LAMA2: variants seen among roughly 807,000 people sequenced by gnomAD.
The protein encoded by LAMA2 is laminin subunit alpha 2, also known as laminin subunit alpha-2.
A neutral mutation model predicts 364.8 loss-of-function variants in LAMA2; 269 were observed. The observed-to-expected ratio is 0.74, with a 90% CI of 0.67 to 0.82. The LOEUF (loss-of-function observed/expected upper bound fraction) is 0.82. Ranked by LOEUF, LAMA2 falls within the 40% of genes least tolerant of loss-of-function variation. LAMA2 has a pLI of 0.00. For missense variants in LAMA2, 3,807 were observed against 3,873.2 expected (o/e 0.98, Z 0.45); for synonymous variants, 1,379 against 1,370.6 (o/e 1.01, Z -0.14).
intron 32 of LAMA2, among the ~76,000 whole-genome samples, chr6:129,354,643 T>C (rs1777051243): frequency 6.6e-6 from 1 of 152,152 alleles, no homozygotes; most frequent in Admixed American, 6.6e-5. Context: ...TCACTTTTAT[T>C]AACTATCCAG....
intron 40 of LAMA2, among the ~76,000 whole-genome samples, 162 bp from the exon 41 acceptor site, chr6:129,427,590 C>T (rs1781384639): frequency 6.6e-6 from 1 of 152,172 alleles, no homozygotes; most frequent in Non-Finnish European, 1.5e-5. Flanking sequence ...TAAACAGTCT[C>T]CTAACTTTAA....
chr6:129,268,536 T>A (rs1340167224), intron 16 of LAMA2, among the ~76,000 whole-genome samples: 1 of 152,112 alleles, frequency 6.6e-6, no homozygotes, highest in Non-Finnish European at 1.5e-5. Flanking sequence ...CAAATTTTCA[T>A]GCTGAATTCA....
chr6:129,013,733 G>T (rs1784908289), intron 1 of LAMA2, among the ~76,000 whole-genome samples: 1 of 151,786 alleles, frequency 6.6e-6, no homozygotes, highest in South Asian at 2.1e-4. Flanking sequence ...ATATTTATTT[G>T]GTTACCATAT....
intron 4 of LAMA2, among the ~76,000 whole-genome samples, chr6:129,117,084 A>C (rs1306141628): frequency 6.6e-6 from 1 of 152,192 alleles, no homozygotes; most frequent in Non-Finnish European, 1.5e-5. Flanking sequence ...TTAATGCAGA[A>C]TTTTCAGACA....
chr6:129,042,518 A>G (rs533438330), intron 1 of LAMA2, among the ~76,000 whole-genome samples: 5 of 152,264 alleles, frequency 3.3e-5, no homozygotes, highest in Non-Finnish European at 5.9e-5. Context: ...AAATTTATCT[A>G]CATTGAAATG....
intron 3 of LAMA2, among the ~76,000 whole-genome samples, chr6:129,087,787 C>T (rs1448891054): frequency 6.6e-6 from 1 of 150,944 alleles, no homozygotes; most frequent in African/African-American, 2.4e-5. Context: ...TAGTAAACAG[C>T]AGAGGGTACA....
intron 12 of LAMA2, among the ~76,000 whole-genome samples, chr6:129,226,157 C>A (rs1784257386): frequency 6.6e-6 from 1 of 152,032 alleles, no homozygotes. Flanking sequence ...GGTTTGCAAC[C>A]CCTGCCTTTT....
chr6:128,883,387 T>C (rs779406605), intron 1 of LAMA2, 30 bp downstream of exon 1: 2 of 1,562,832 alleles, frequency 1.3e-6, no homozygotes, highest in Admixed American at 3.8e-5. Context: ...TTGGGTTGCA[T>C]CCTTTGCCGG....
At chr6:129,410,939 G>T (rs1205476967) in intron 40 of LAMA2, among the ~76,000 whole-genome samples, 1 of 152,150 alleles carries the variant, frequency 6.6e-6, no homozygotes, top group African/African-American at 2.4e-5. Flanking sequence ...GAACTAGAGA[G>T]AAAATGAGAT....
At chr6:129,022,016 G>A (rs1274557316) in intron 1 of LAMA2, among the ~76,000 whole-genome samples, 1 of 152,174 alleles carries the variant, frequency 6.6e-6, no homozygotes, top group Admixed American at 6.5e-5. Flanking sequence ...GTTCTCCAGT[G>A]CTTTAAACAA....
intron 1 of LAMA2, among the ~76,000 whole-genome samples, chr6:129,007,553 A>T (rs1396093592): frequency 6.6e-6 from 1 of 152,208 alleles, no homozygotes. Context: ...TGTCTCCTCC[A>T]GGTGATTTGA....
intron 12 of LAMA2, among the ~76,000 whole-genome samples, chr6:129,244,570 C>T (rs1255671187): frequency 1.3e-5 from 2 of 152,084 alleles, no homozygotes; most frequent in African/African-American, 4.8e-5. Context: ...TTAGGTTTTA[C>T]ACTCCATTTA....
intron 10 of LAMA2, among the ~76,000 whole-genome samples, chr6:129,178,708 T>G (rs1267325316): frequency 6.6e-6 from 1 of 152,156 alleles, no homozygotes; most frequent in Non-Finnish European, 1.5e-5. Flanking sequence ...ATATTTTTAT[T>G]AACCTGTTAG....
At chr6:129,079,045 G>A (rs894350321) in intron 3 of LAMA2, among the ~76,000 whole-genome samples, 9 of 152,000 alleles carry the variant, frequency 5.9e-5, no homozygotes, top group African/African-American at 2.2e-4. Flanking sequence ...TACATATATG[G>A]CACATTTTTT....
At chr6:129,060,217 C>A (rs1293407164) in intron 3 of LAMA2, among the ~76,000 whole-genome samples, 2 of 152,092 alleles carry the variant, frequency 1.3e-5, no homozygotes, top group South Asian at 4.2e-4. Flanking sequence ...ATAATAGTAT[C>A]ATTTTTAACT....
At chr6:129,367,144 T>A (rs1394584773) in intron 33 of LAMA2, among the ~76,000 whole-genome samples, 1 of 152,220 alleles carries the variant, frequency 6.6e-6, no homozygotes, top group Non-Finnish European at 1.5e-5. Context: ...TAAACACTGT[T>A]CTAAATTGTG....
Position 129,427,841 on chromosome 6 carries a change from A to G in LAMA2, c.5955A>G (p.Ala1985=). 1 of 1,610,168 alleles carries G rather than the reference A, an allele frequency of 6.2e-7. No individual in the cohort carries two copies. The highest frequency in any genetic ancestry group is 1.7e-5 in the Admixed American group (1 of 60,004). The part of the protein sequence containing the change: ...FRILNEAKKL[A]NDVKENEDHL... ...TTCTTAACGAAGCCAAGAAGTTAGC[A>G]AATGATGTAAAAGGTCAGTGTGGCC... Residue 1985 remains alanine, a synonymous_variant, in exon 41 of 65, where the codon GCA becomes GCG. Coordinates refer to ENST00000421865, the MANE Select transcript of LAMA2 (RefSeq NM_000426.4).
chr6:128,961,774 A>G (rs767745336), intron 1 of LAMA2, among the ~76,000 whole-genome samples: 91 of 152,018 alleles, frequency 6.0e-4, no homozygotes, highest in Non-Finnish European at 1.1e-3. Flanking sequence ...GTATTCTTCA[A>G]TCCAATCAAG....
chr6:129,437,463 C>T (rs922305958), intron 41 of LAMA2, among the ~76,000 whole-genome samples: 4 of 152,000 alleles, frequency 2.6e-5, no homozygotes, highest in Non-Finnish European at 5.9e-5. Flanking sequence ...GGGACTAGAA[C>T]AACTTCTCTT....
Sources: gnomAD v4.1 joint callset for allele counts (sites outside exome capture counted in the v4.1 genomes callset) on GRCh38, gnomAD v4.1.1 for gene constraint, MANE v1.5 for transcripts, NCBI Gene and HGNC (gene_info 2026-07-23, HGNC 2026-07-21) for gene names.